Variants in PKP4 observed in about 807,000 individuals in gnomAD.
PKP4 encodes the protein plakophilin 4.
PKP4 carries 90 observed loss-of-function variants against 145.1 expected under a neutral mutation model. The observed-to-expected ratio is 0.62, with a 90% confidence interval of 0.52 to 0.74. The LOEUF is 0.74. Ranked by LOEUF, PKP4 falls within the 30% of genes least tolerant of loss-of-function variation. The pLI is 0.00. For missense variants in PKP4, 1,340 were observed against 1,482.7 expected (o/e 0.90, Z 1.58); for synonymous variants, 563 against 577.2 (o/e 0.98, Z 0.35).
chr2:158,546,994 A>G (rs1371010818), intron 2 of PKP4, among the ~76,000 whole-genome samples: 1 of 152,220 alleles, frequency 6.6e-6, no homozygotes, highest in Non-Finnish European at 1.5e-5. Context: ...ACTATAGCCT[A>G]CAGTCTAAAT....
At chr2:158,506,663 A>C (rs1346763185) in intron 1 of PKP4, among the ~76,000 whole-genome samples, 2 of 152,214 alleles carry the variant, frequency 1.3e-5, no homozygotes, top group African/African-American at 4.8e-5. Context: ...GACACAATAA[A>C]TCTCTTTGAT....
At chr2:158,590,223 A>C (rs1174236768) in intron 3 of PKP4, among the ~76,000 whole-genome samples, 2 of 151,696 alleles carry the variant, frequency 1.3e-5, no homozygotes, top group East Asian at 1.9e-4. Flanking sequence ...AGCTAAAAAA[A>C]CTCCCATTAA....
chr2:158,584,042 G>A (rs964027821), intron 3 of PKP4, among the ~76,000 whole-genome samples: 2 of 152,104 alleles, frequency 1.3e-5, no homozygotes, highest in African/African-American at 2.4e-5. Flanking sequence ...CTTTCTGGCC[G>A]CATTCCGTTT....
chr2:158,490,923 C>T (rs116445737), intron 1 of PKP4, among the ~76,000 whole-genome samples: 142 of 152,342 alleles, frequency 9.3e-4, no homozygotes, highest in Middle Eastern at 3.4e-3. Context: ...TCTTCTACAT[C>T]TACCTCCCAC....
intron 11 of PKP4, 112 bp downstream of exon 11, chr2:158,642,811 GATATAT>G: frequency 1.4e-6 from 1 of 692,078 alleles, no homozygotes; most frequent in Non-Finnish European, 2.4e-6. Flanking sequence ...TAGATAATGA[GATATAT>G]ATAGTGCTCA....
intron 3 of PKP4, among the ~76,000 whole-genome samples, chr2:158,592,705 G>A (rs1158569009): frequency 6.6e-6 from 1 of 152,082 alleles, no homozygotes; most frequent in East Asian, 1.9e-4. Context: ...TACATGAGTA[G>A]CAAAGAATTC....
chr2:158,621,038 A>G lies in PKP4; in HGVS notation c.329A>G (p.Gln110Arg), dbSNP rs148019751. The change falls in exon 5 of 22, where the codon CAG becomes CGG. Residue 110 changes from glutamine (Q) to arginine (R), a missense_variant. Transcript: ENST00000389759. ...VSKPRVSDAV[Q>R]PNNYLIRTEP... ...AAACCTAGAGTTTCTGACGCTGTCC[A>G]GCCCAACAACTATCTCATCAGGACA... 884 of 1,614,118 alleles carry G rather than the reference A, an allele frequency of 5.5e-4. 1 individual carries two copies. The highest frequency in any genetic ancestry group is 1.8e-3 in the Middle Eastern group (11 of 6,062).
chr2:158,577,370 A>G lies in PKP4; in HGVS notation c.232A>G (p.Ile78Val). Residue 78 changes from isoleucine (I) to valine (V), a missense_variant, in exon 3 of 22, where the codon ATC becomes GTC. Coordinates refer to ENST00000389759, the MANE Select transcript of PKP4 (RefSeq NM_003628.6). Reference protein sequence around the residue: ...RCRLGAESPSIASTSSTEKSF... With the variant: ...RCRLGAESPSVASTSSTEKSF... ...TAGGCTTGGAGCAGAATCACCAAGC[A>G]TCGCCAGCACCAGGTACAGGGCCAA... is the stretch of plus-strand genomic sequence containing the variant. The G allele has an allele frequency of 6.2e-7, 1 of 1,610,484 alleles. No individual in the cohort carries two copies. Among genetic ancestry groups the G allele is most frequent in the South Asian group, 1.1e-5 (1 of 90,768 alleles).
intron 1 of PKP4, chr2:158,458,131 G>A (rs1222558658): frequency 2.0e-5 from 3 of 152,980 alleles, no homozygotes; most frequent in Non-Finnish European, 4.4e-5. Context: ...CGGTAGTCAG[G>A]TGTGTGTGTA....
At chr2:158,574,379 A>G (rs2047665456) in intron 2 of PKP4, among the ~76,000 whole-genome samples, 1 of 152,212 alleles carries the variant, frequency 6.6e-6, no homozygotes. Context: ...TTTTGTTTAG[A>G]GGATAAAATA....
intron 1 of PKP4, among the ~76,000 whole-genome samples, chr2:158,507,790 C>T (rs1179503305): frequency 6.6e-6 from 1 of 151,942 alleles, no homozygotes; most frequent in Admixed American, 6.6e-5. Context: ...GGGGGGTCTC[C>T]GGGTCCACAG....
At chr2:158,489,372 A>G (rs183195232) in intron 1 of PKP4, among the ~76,000 whole-genome samples, 3 of 152,338 alleles carry the variant, frequency 2.0e-5, no homozygotes, top group African/African-American at 7.2e-5. Context: ...TGACAAATGA[A>G]AGAGATTTCT....
At chr2:158,564,777 G>T (rs1297967561) in intron 2 of PKP4, among the ~76,000 whole-genome samples, 1 of 152,144 alleles carries the variant, frequency 6.6e-6, no homozygotes, top group Non-Finnish European at 1.5e-5. Context: ...ATAGTTTGAG[G>T]TGGTAATCTA....
At chr2:158,533,697 A>G (rs2043786216) in intron 2 of PKP4, among the ~76,000 whole-genome samples, 1 of 152,214 alleles carries the variant, frequency 6.6e-6, no homozygotes, top group African/African-American at 2.4e-5. Context: ...TGAACATTTT[A>G]ACATAGGTAG....
At chr2:158,510,730 A>G (rs1357954061) in intron 1 of PKP4, among the ~76,000 whole-genome samples, 2 of 152,272 alleles carry the variant, frequency 1.3e-5, no homozygotes, top group African/African-American at 2.4e-5. Context: ...GGGTGAGTCC[A>G]CTTCCCCTGC....
intron 2 of PKP4, among the ~76,000 whole-genome samples, chr2:158,557,258 C>T (rs1197626762): frequency 2.0e-5 from 3 of 151,788 alleles, no homozygotes; most frequent in Non-Finnish European, 2.9e-5. Context: ...TGAATAATAG[C>T]CAGTAATACT....
At position 158,485,400 on chromosome 2, in the gene PKP4, C is replaced by A. The variant is rs533282750; in HGVS notation, c.-6+28182C>A. Reference sequence around the variant, plus strand: ...ATGGCAGTGCTGGAATCTCATCCAACCCACTTAACCCTAGACCCACGTTAC... The same window carrying A: ...ATGGCAGTGCTGGAATCTCATCCAAACCACTTAACCCTAGACCCACGTTAC... On this transcript the variant is annotated intron_variant, in intron 1 of 21. Transcript: ENST00000389759. Among the ~76,000 whole-genome samples, 6 of 152,320 alleles carry A rather than the reference C, an allele frequency of 3.9e-5. 1 individual carries two copies. In the South Asian group the frequency reaches 1.2e-3, roughly 32 times the overall value.
At chr2:158,483,719 C>T (rs1297464831) in intron 1 of PKP4, among the ~76,000 whole-genome samples, 3 of 151,834 alleles carry the variant, frequency 2.0e-5, no homozygotes, top group Non-Finnish European at 4.4e-5. Flanking sequence ...ATAATTTTCA[C>T]TAAAGTTTAC....
At chr2:158,513,978 C>T (rs1021837444) in intron 1 of PKP4, among the ~76,000 whole-genome samples, 1 of 152,212 alleles carries the variant, frequency 6.6e-6, no homozygotes, top group African/African-American at 2.4e-5. Flanking sequence ...TTGAGCTCCC[C>T]TCACTTCTGT....
Sources: gnomAD v4.1 joint callset for allele counts (sites outside exome capture counted in the v4.1 genomes callset) on GRCh38, gnomAD v4.1.1 for gene constraint, MANE v1.5 for transcripts, NCBI Gene and HGNC (gene_info 2026-07-23, HGNC 2026-07-21) for gene names.